Variants in ASXL3 observed in about 807,000 individuals in gnomAD.
ASXL3 encodes the protein putative Polycomb group protein ASXL3.
ASXL3 carries 34 observed loss-of-function variants against 170.6 expected under a neutral mutation model. That is an observed-to-expected ratio of 0.20 (90% CI 0.15 to 0.27). ASXL3 has a LOEUF of 0.27. ASXL3 is among the 10% of genes least tolerant of loss of function. ASXL3 has a pLI of 1.00. For synonymous variants in ASXL3, 1,002 were observed against 989.1 expected, an observed-to-expected ratio of 1.01 and a Z score of -0.24; for missense variants, 2,592 against 2,695.3, an observed-to-expected ratio of 0.96 and a Z score of 0.85.
intron 2 of ASXL3, among the ~76,000 whole-genome samples, chr18:33,619,292 C>T (rs978583847): frequency 4.6e-5 from 7 of 152,048 alleles, no homozygotes; most frequent in Non-Finnish European, 1.5e-5. Context: ...AAGATTCTAT[C>T]GAGTAAACAC....
At chr18:33,637,274 CGTT>C (rs772430067) in intron 2 of ASXL3, among the ~76,000 whole-genome samples, 27 of 152,010 alleles carry the variant, frequency 1.8e-4, no homozygotes, top group Non-Finnish European at 3.5e-4. Context: ...CCATGATAGG[CGTT>C]GTTGCTAAAT....
chr18:33,721,021 C>A (rs1007552267), intron 8 of ASXL3, among the ~76,000 whole-genome samples: 1 of 152,026 alleles, frequency 6.6e-6, no homozygotes, highest in African/African-American at 2.4e-5. Context: ...GTTTCATTTG[C>A]TTTTAACATT....
chr18:33,641,206 A>G (rs1278578653), intron 2 of ASXL3, among the ~76,000 whole-genome samples: 1 of 152,066 alleles, frequency 6.6e-6, no homozygotes, highest in African/African-American at 2.4e-5. Context: ...CAGCAATTTG[A>G]TAATATAAAG....
In ASXL3 at chr18:33,738,532, A is replaced by G. The variant is rs779993571; in HGVS notation, c.1128A>G (p.Pro376=). Residue 376 remains proline (P), a synonymous_variant, in exon 11 of 12, where the codon CCA becomes CCG. Coordinates refer to ENST00000269197, the MANE Select transcript of ASXL3 (RefSeq NM_030632.3). ...AATCTGTGAAGCTCACTACTGGACCAAACAACGCTGGAGCTCAAAGTAGTT... is the reference window on the plus strand; with the variant it reads ...AATCTGTGAAGCTCACTACTGGACCGAACAACGCTGGAGCTCAAAGTAGTT... The part of the protein sequence containing the change: ...REESVKLTTG[P]NNAGAQSSSS... The G allele has an allele frequency of 3.1e-6, 5 of 1,613,618 alleles. No homozygotes were observed. The African/African-American group carries it at 6.7e-5, about 22-fold the overall frequency.
At chr18:33,665,973 C>T (rs1300363529) in intron 5 of ASXL3, among the ~76,000 whole-genome samples, 2 of 152,082 alleles carry the variant, frequency 1.3e-5, no homozygotes, top group Non-Finnish European at 2.9e-5. Flanking sequence ...TTGTAAATTT[C>T]TTTCATATTG....
At chr18:33,729,615 A>G (rs1172406288) in intron 8 of ASXL3, among the ~76,000 whole-genome samples, 1 of 152,110 alleles carries the variant, frequency 6.6e-6, no homozygotes, top group East Asian at 1.9e-4. Context: ...ATATTAATGT[A>G]TTGGAAAGAA....
chr18:33,747,892 G>C lies in ASXL3; in HGVS notation c.*1297G>C, dbSNP rs1022340218. The C allele has an allele frequency of 1.3e-5, 2 of 152,166 alleles. No homozygotes were observed. Among genetic ancestry groups the C allele is most frequent in the African/African-American group, 4.8e-5 (2 of 41,436 alleles). 9.4% of individuals were successfully genotyped at this position (152,166 alleles called of 1,614,324 possible). A position where few individuals can be genotyped will look rare whatever the true frequency, so the allele number is the denominator to read the frequency against. ...GCATCCAGTAAAGTCTGCGTGTTGA[G>C]TATTTGAGCTACATTCCATATATTT... On this transcript the variant is annotated 3_prime_UTR_variant, in exon 12 of 12. Transcript: ENST00000269197.
chr18:33,656,653 A>G (rs2066088764), intron 4 of ASXL3, among the ~76,000 whole-genome samples: 1 of 152,192 alleles, frequency 6.6e-6, no homozygotes, highest in Middle Eastern at 3.4e-3. Context: ...AAATAAGACA[A>G]TGAGTAAAGA....
At chr18:33,701,757 G>T (rs1293648581) in intron 8 of ASXL3, among the ~76,000 whole-genome samples, 1 of 151,944 alleles carries the variant, frequency 6.6e-6, no homozygotes, top group African/African-American at 2.4e-5. Context: ...TCTTCAATTT[G>T]TAGGCTGTTT....
intron 8 of ASXL3, among the ~76,000 whole-genome samples, chr18:33,692,751 A>G (rs991405312): frequency 6.6e-6 from 1 of 152,190 alleles, no homozygotes; most frequent in Non-Finnish European, 1.5e-5. Context: ...TGAGTGATTG[A>G]GTGAATATAG....
In ASXL3 at chr18:33,739,007, G is replaced by T. The variant is rs369560043; in HGVS notation, c.1603G>T (p.Asp535Tyr). The T allele has an allele frequency of 4.3e-6, 7 of 1,613,414 alleles. No homozygotes were observed. The East Asian group carries it at 1.1e-4, about 26-fold the overall frequency. Residue 535 changes from aspartate to tyrosine, a missense_variant, in exon 11 of 12, where the codon GAT (aspartate) becomes TAT (tyrosine). By Grantham distance (160) the Asp-to-Tyr change is radical. This residue lies in a region of ASXL3 where 2,246 missense variants were observed against 2,219.6 expected (regional missense o/e 1.01). Transcript: ENST00000269197. ...SPQEEMTVVI[D>Y]QLEVCDSLIP... ...CCAGGAAGAAATGACAGTTGTTATC[G>T]ATCAGTTAGAAGTCTGTGACTCTCT... is the stretch of plus-strand genomic sequence containing the variant.
chr18:33,731,207 AAAC>A (rs1004743169), intron 8 of ASXL3, among the ~76,000 whole-genome samples: 5 of 124,280 alleles, frequency 4.0e-5, no homozygotes, highest in African/African-American at 8.0e-5. Context: ...GATCAAAAAC[AAAC>A]AAAAAAGTGA....
At position 33,709,883 on chromosome 18, in the gene ASXL3, G is replaced by A. The variant is rs1437991412; in HGVS notation, c.880-22085G>A. 3.3e-5 allele frequency among the ~76,000 whole-genome samples: 5 copies of A among 152,246 alleles called. No individual in the cohort carries two copies. The East Asian group carries it at 9.7e-4, about 29-fold the overall frequency. Reference sequence around the variant, plus strand: ...CTGGAGTTATGTTTCTCCCCACTCTGACCACTGCTTCCTAATCACTTCCAC... The same window carrying A: ...CTGGAGTTATGTTTCTCCCCACTCTAACCACTGCTTCCTAATCACTTCCAC... On this transcript the variant is annotated intron_variant, in intron 8 of 11. Transcript: ENST00000269197.
intron 8 of ASXL3, among the ~76,000 whole-genome samples, chr18:33,700,969 G>A (rs554898003): frequency 1.3e-5 from 2 of 152,124 alleles, no homozygotes; most frequent in Middle Eastern, 3.4e-3. Flanking sequence ...AGAAGAGCAC[G>A]ATAGGGGTTA....
chr18:33,703,731 A>T, intron 8 of ASXL3, among the ~76,000 whole-genome samples: 1 of 152,010 alleles, frequency 6.6e-6, no homozygotes, highest in East Asian at 1.9e-4. Flanking sequence ...CCTCACATGA[A>T]TCTATTGGGT....
chr18:33,675,000 C>T (rs527620923), intron 7 of ASXL3, among the ~76,000 whole-genome samples: 5 of 152,268 alleles, frequency 3.3e-5, no homozygotes, highest in Non-Finnish European at 4.4e-5. Flanking sequence ...GGGTTATTTA[C>T]GTACATTCTG....
intron 8 of ASXL3, among the ~76,000 whole-genome samples, chr18:33,723,453 GTGCAAA>G (rs2067295765): frequency 6.6e-6 from 1 of 152,170 alleles, no homozygotes; most frequent in African/African-American, 2.4e-5. Context: ...TGCAGATGTG[GTGCAAA>G]TAGCAAGAGA....
At chr18:33,638,956 T>A (rs924536452) in intron 2 of ASXL3, among the ~76,000 whole-genome samples, 2 of 152,214 alleles carry the variant, frequency 1.3e-5, no homozygotes, top group African/African-American at 4.8e-5. Flanking sequence ...TACACATGCC[T>A]GTGTCTTCAC....
chr18:33,598,326 T>A (rs1386974185), intron 1 of ASXL3, among the ~76,000 whole-genome samples: 1 of 152,166 alleles, frequency 6.6e-6, no homozygotes, highest in Non-Finnish European at 1.5e-5. Flanking sequence ...ATGTTTAGAT[T>A]TTTATGGGAG....
Sources: gnomAD v4.1 joint callset for allele counts (sites outside exome capture counted in the v4.1 genomes callset) on GRCh38, gnomAD v4.1.1 for gene constraint, gnomAD v4.1.1 regional missense constraint, MANE v1.5 for transcripts, NCBI Gene and HGNC (gene_info 2026-07-23, HGNC 2026-07-21) for gene names.